Variants in GALNT17 observed in about 807,000 individuals in gnomAD.
GALNT17 encodes the protein polypeptide N-acetylgalactosaminyltransferase 17.
GALNT17 carries 29 observed loss-of-function variants against 63.7 expected under a neutral mutation model. The observed-to-expected ratio is 0.46, with a 90% CI of 0.34 to 0.62. The LOEUF is 0.62. GALNT17 is among the 20% of genes least tolerant of loss of function. The pLI is 0.01. For synonymous variants in GALNT17, 305 were observed against 318.3 expected (o/e 0.96, Z 0.45); for missense variants, 603 against 799.6 (o/e 0.75, Z 2.97).
At chr7:71,174,626 G>A (rs1308334452) in intron 1 of GALNT17, among the ~76,000 whole-genome samples, 1 of 152,120 alleles carries the variant, frequency 6.6e-6, no homozygotes, top group African/African-American at 2.4e-5. Context: ...AATGTTTTGC[G>A]GGCAGGGGAT....
At chr7:71,371,477 T>C (rs1399332906) in intron 2 of GALNT17, among the ~76,000 whole-genome samples, 1 of 152,226 alleles carries the variant, frequency 6.6e-6, no homozygotes, top group Non-Finnish European at 1.5e-5. Flanking sequence ...TCATGTTTTT[T>C]GTTTATTTAT....
chr7:71,219,889 G>A (rs1789552493), intron 1 of GALNT17, among the ~76,000 whole-genome samples: 1 of 152,172 alleles, frequency 6.6e-6, no homozygotes, highest in African/African-American at 2.4e-5. Context: ...GAAGCCAATG[G>A]TTCTCACTGG....
chr7:71,500,076 C>G (rs1788156365), intron 5 of GALNT17, among the ~76,000 whole-genome samples: 1 of 152,180 alleles, frequency 6.6e-6, no homozygotes, highest in Non-Finnish European at 1.5e-5. Flanking sequence ...AAACCTCTTT[C>G]CTTTGTAAAT....
intron 6 of GALNT17, among the ~76,000 whole-genome samples, chr7:71,662,200 C>T (rs530123536): frequency 1.2e-4 from 19 of 152,164 alleles, no homozygotes; most frequent in Non-Finnish European, 8.8e-5. Flanking sequence ...GTCTCTTATG[C>T]GCCTGTGTCT....
At chr7:71,320,977 T>C (rs1791595602) in intron 1 of GALNT17, among the ~76,000 whole-genome samples, 1 of 152,198 alleles carries the variant, frequency 6.6e-6, no homozygotes, top group African/African-American at 2.4e-5. Flanking sequence ...CCCTCCTCTT[T>C]AGCCCCTCCG....
chr7:71,198,877 T>C (rs1789108278), intron 1 of GALNT17, among the ~76,000 whole-genome samples: 1 of 152,220 alleles, frequency 6.6e-6, no homozygotes, highest in Non-Finnish European at 1.5e-5. Flanking sequence ...CCGTGGTTCA[T>C]AAACTTTAGT....
At chr7:71,456,671 TA>T (rs35282895) in intron 5 of GALNT17, among the ~76,000 whole-genome samples, 36 of 141,996 alleles carry the variant, frequency 2.5e-4, no homozygotes, top group South Asian at 2.5e-3. Context: ...GCAGACTCCA[TA>T]AAAAAAAAAA....
chr7:71,392,656 C>A (rs1793070803), intron 3 of GALNT17, among the ~76,000 whole-genome samples: 1 of 152,122 alleles, frequency 6.6e-6, no homozygotes, highest in Non-Finnish European at 1.5e-5. Context: ...TGAAGATGTT[C>A]AGTGAGTAAG....
chr7:71,204,683 A>C (rs1789238203), intron 1 of GALNT17, among the ~76,000 whole-genome samples: 2 of 151,566 alleles, frequency 1.3e-5, no homozygotes, highest in African/African-American at 4.9e-5. Context: ...CTCCTGCCTC[A>C]GCCACCTGAG....
chr7:71,455,904 A>G (rs1404061349), intron 5 of GALNT17, among the ~76,000 whole-genome samples: 1 of 152,186 alleles, frequency 6.6e-6, no homozygotes, highest in South Asian at 2.1e-4. Flanking sequence ...TTCTGTTCCT[A>G]TGAGAAGGCT....
At chr7:71,590,791 G>T (rs1042421649) in intron 6 of GALNT17, among the ~76,000 whole-genome samples, 1 of 151,928 alleles carries the variant, frequency 6.6e-6, no homozygotes, top group Non-Finnish European at 1.5e-5. Flanking sequence ...GTAGTGGCTC[G>T]ATCTCGGCTC....
chr7:71,167,074 A>G (rs1029883747), intron 1 of GALNT17, among the ~76,000 whole-genome samples: 2 of 132,860 alleles, frequency 1.5e-5, no homozygotes, highest in Admixed American at 8.2e-5. Flanking sequence ...TTTTGGAGAG[A>G]CAGGGTCTCT....
At chr7:71,306,732 G>T (rs930924201) in intron 1 of GALNT17, among the ~76,000 whole-genome samples, 3 of 152,188 alleles carry the variant, frequency 2.0e-5, no homozygotes, top group African/African-American at 4.8e-5. Context: ...ATGGGTACTT[G>T]GGTTGCTTCT....
At chr7:71,349,749 A>G (rs1792158937) in intron 2 of GALNT17, among the ~76,000 whole-genome samples, 1 of 152,224 alleles carries the variant, frequency 6.6e-6, no homozygotes, top group African/African-American at 2.4e-5. Context: ...TTATGTCTCC[A>G]TGGGCAGCCC....
chr7:71,630,104 C>CA (rs1790433993), intron 6 of GALNT17, among the ~76,000 whole-genome samples: 1 of 147,902 alleles, frequency 6.8e-6, no homozygotes, highest in South Asian at 2.1e-4. Flanking sequence ...TCCAGACATC[C>CA]AGGGGCAATG....
chr7:71,638,311 C>T (rs1400901709), intron 6 of GALNT17, among the ~76,000 whole-genome samples: 1 of 152,186 alleles, frequency 6.6e-6, no homozygotes, highest in African/African-American at 2.4e-5. Flanking sequence ...CTTGTGCCAA[C>T]CTCCTATCTC....
chr7:71,325,342 G>A (rs1005865231), intron 1 of GALNT17, among the ~76,000 whole-genome samples: 3 of 152,152 alleles, frequency 2.0e-5, no homozygotes, highest in Non-Finnish European at 4.4e-5. Flanking sequence ...AGTGGAAGAC[G>A]GGCTGCATGA....
At chr7:71,677,440 G>T in intron 9 of GALNT17, 134 bp downstream of exon 9, 1 of 782,452 alleles carries the variant, frequency 1.3e-6, no homozygotes, top group Non-Finnish European at 2.0e-6. Flanking sequence ...TTTTTAAGAA[G>T]AAGGTAGGAG....
chr7:71,214,137 G>A (rs1789431568), intron 1 of GALNT17, among the ~76,000 whole-genome samples: 1 of 152,116 alleles, frequency 6.6e-6, no homozygotes, highest in African/African-American at 2.4e-5. Flanking sequence ...TTTATCTCTT[G>A]GAATTGGCAT....
Sources: gnomAD v4.1 joint callset for allele counts (sites outside exome capture counted in the v4.1 genomes callset) on GRCh38, gnomAD v4.1.1 for gene constraint, MANE v1.5 for transcripts, NCBI Gene and HGNC (gene_info 2026-07-23, HGNC 2026-07-21) for gene names.